MROH6: variants seen among roughly 807,000 people sequenced by gnomAD.
MROH6 encodes the protein maestro heat-like repeat-containing protein family member 6.
A neutral mutation model predicts 67.7 loss-of-function variants in MROH6; 62 were observed. The observed-to-expected ratio is 0.92, with a 90% CI of 0.75 to 1.13. The LOEUF is 1.13. MROH6 is among the 50% of genes most tolerant of loss of function. The pLI, the probability that MROH6 is intolerant of heterozygous loss-of-function variation, is 0.00. For missense variants in MROH6, 1,175 were observed against 1,029.1 expected, an observed-to-expected ratio of 1.14 and a Z score of -1.94; for synonymous variants, 566 against 470.8, an observed-to-expected ratio of 1.20 and a Z score of -2.62.
rs915973837 is a variant in MROH6, at chr8:143,570,363, A to G, written c.923T>C (p.Leu308Ser). The change falls in exon 6 of 14, where the codon TTG becomes TCG. Residue 308 changes from leucine to serine, a missense_variant. Leu to Ser is a moderately radical substitution (Grantham distance 145). Coordinates refer to ENST00000398882, the MANE Select transcript of MROH6 (RefSeq NM_001100878.2). The stretch of plus-strand genomic sequence containing the variant: ...TCCATCCCCGGTGAGCAGCGCCTTC[A>G]AGGCCTCCACAGCACAGCTGGTGGT... ...HSHASCAVEA[L>S]KALLTGDGGR... is the part of the protein sequence containing the mutation. 2 of 1,611,048 alleles carry G rather than the reference A, an allele frequency of 1.2e-6. No individual in the cohort carries two copies. Among genetic ancestry groups the G allele is most frequent in the African/African-American group, 1.3e-5 (1 of 75,024 alleles).
rs1353824964 is a variant in MROH6, at chr8:143,569,476, C to G, written c.1441G>C (p.Glu481Gln). The change falls in exon 9 of 14, where the codon GAG becomes CAG. Residue 481 changes from glutamate to glutamine, a missense_variant. By Grantham distance (29) the Glu-to-Gln change is conservative. Coordinates refer to ENST00000398882, the MANE Select transcript of MROH6 (RefSeq NM_001100878.2). ...AGCGGAGGGAGGCGCGGTCCCAGCT[C>G]CGCGCTCAGGAGCCGCACAGGCGCC... ...PRAPVRLLSA[E>Q]LGPRLPPLLD... The G allele has an allele frequency of 2.7e-6, 4 of 1,473,456 alleles. No homozygotes were observed. Among genetic ancestry groups the G allele is most frequent in the Non-Finnish European group, 3.6e-6 (4 of 1,122,174 alleles). The allele number at this position is 1,473,456 out of a possible 1,614,324, so 91.3% of individuals were successfully genotyped here. A position where few individuals can be genotyped will look rare whatever the true frequency, so the allele number is the denominator to read the frequency against.
chr8:143,570,204 CTGGTGTGACACCCT>C (rs1823926471), intron 6 of MROH6, 25 bp downstream of exon 6: 3 of 1,560,894 alleles, frequency 1.9e-6, no homozygotes, highest in Admixed American at 3.5e-5. Flanking sequence ...GACTCTCTTC[CTGGTGTGACACCCT>C]GGGGCCCCTC....
intron 2 of MROH6, 101 bp downstream of exon 2, chr8:143,571,932 C>T: frequency 6.7e-7 from 1 of 1,496,706 alleles, no homozygotes. Context: ...CAGGAGCAGC[C>T]TGAAGATGGC....
chr8:143,569,380 T>A, intron 9 of MROH6, 61 bp downstream of exon 9: 1 of 1,048,864 alleles, frequency 9.5e-7, no homozygotes, highest in Non-Finnish European at 1.1e-6. Flanking sequence ...AGGGAGAGAC[T>A]GGAAGGGCGG....
Position 143,567,971 on chromosome 8 carries a change from G to A in MROH6, c.1765-83C>T, listed in dbSNP as rs1039317739. 3.5e-6 allele frequency: 5 copies of A among 1,442,974 alleles called. No individual in the cohort carries two copies. In the African/African-American group the frequency reaches 4.3e-5, roughly 12 times the overall value. 89.4% of individuals were successfully genotyped at this position (1,442,974 alleles called of 1,614,324 possible). ...CTGCAGAGCTGAATCCAGGGGCCGG[G>A]GTTCCAGGGGAGCCCCCAGGGCAGG... is the stretch of plus-strand genomic sequence containing the variant. On this transcript the variant is annotated intron_variant, in intron 11 of 13. Transcript: ENST00000398882.
intron 4 of MROH6, 107 bp downstream of exon 4, chr8:143,570,770 A>T: frequency 7.1e-7 from 1 of 1,415,070 alleles, no homozygotes; most frequent in South Asian, 1.3e-5. Context: ...CGCATGGGAC[A>T]TTCCAGGAGC....
chr8:143,572,424 G>A lies in MROH6; in HGVS notation c.291C>T (p.His97=), dbSNP rs4873803. 1 of 1,570,298 alleles carries A rather than the reference G, an allele frequency of 6.4e-7. No individual in the cohort carries two copies. The highest frequency in any genetic ancestry group is 1.8e-5 in the Admixed American group (1 of 56,756). The part of the protein sequence containing the change: ...SALEPAPEGP[H]QVPQSSWEEG... The stretch of plus-strand genomic sequence containing the variant: ...CATCCCTTCCCTCCCCCGTCACCTG[G>A]TGGGGCCCCTCAGGGGCTGGTTCCA... Residue 97 remains histidine (H), a synonymous_variant, in exon 1 of 14, where the codon CAC becomes CAT. Transcript: ENST00000398882.
intron 13 of MROH6, 30 bp from the exon 14 acceptor site, chr8:143,567,495 A>G (rs1239970952): frequency 7.0e-7 from 1 of 1,432,180 alleles, no homozygotes; most frequent in East Asian, 2.6e-5. Flanking sequence ...CAGGCTGGGG[A>G]GCCCAGGAGG....
rs1823640778 is a variant in MROH6 at position 143,566,951 on chromosome 8, G to A, written c.*288C>T. The A allele has an allele frequency of 7.1e-6, 2 of 281,812 alleles. No individual in the cohort carries two copies. The highest frequency in any genetic ancestry group is 1.3e-5 in the Non-Finnish European group (2 of 150,402). The allele number at this position is 281,812 out of a possible 1,614,324, so 17.5% of individuals were successfully genotyped here. A position where few individuals can be genotyped will look rare whatever the true frequency, so the allele number is the denominator to read the frequency against. ...TGGGGTCCCCCAGCAGACTCAAGAG[G>A]CCAGGTGCCATCTGGGCCAGGAGCC... On this transcript the variant is annotated 3_prime_UTR_variant, in exon 14 of 14. Coordinates refer to ENST00000398882, the MANE Select transcript of MROH6 (RefSeq NM_001100878.2).
chr8:143,572,680 C>CG lies in MROH6; in HGVS notation c.34dup (p.Arg12ProfsTer15), dbSNP rs764744337. The CG allele has an allele frequency of 5.2e-6, 8 of 1,530,908 alleles. No homozygotes were observed. The highest frequency in any genetic ancestry group is 7.0e-6 in the Non-Finnish European group (8 of 1,142,404). The allele number at this position is 1,530,908 out of a possible 1,614,324, so 94.8% of individuals were successfully genotyped here. A position where few individuals can be genotyped will look rare whatever the true frequency, so the allele number is the denominator to read the frequency against. On this transcript the variant is annotated frameshift_variant, in exon 1 of 14. Transcript: ENST00000398882. LOFTEE classifies it high-confidence loss of function. ...GGTTAGAGCCCCCACGGGAGCCTCC[C>CG]GGGCCCGGCTCCGGCCCCACACACC...
In MROH6 at chr8:143,568,178, G is replaced by A. The variant is rs779186773; in HGVS notation, c.1728C>T (p.Asp576=). Residue 576 remains aspartate (D), a synonymous_variant, in exon 11 of 14, where the codon GAC becomes GAT. Coordinates refer to ENST00000398882, the MANE Select transcript of MROH6 (RefSeq NM_001100878.2). ...AGAGGTGGCTCAGGGCCTCGGGGCT[G>A]TCATAGTGGGCCACGGTGACCAACT... ...LEELVTVAHY[D]SPEALSHLCC... 6.2e-7 allele frequency: 1 copy of A among 1,610,492 alleles called. No individual in the cohort carries two copies. The highest frequency in any genetic ancestry group is 8.5e-7 in the Non-Finnish European group (1 of 1,178,998).
At position 143,566,202 on chromosome 8, in the gene MROH6, CGT is replaced by C. The variant is rs1465521380; in HGVS notation, c.*1035_*1036del. On this transcript the variant is annotated 3_prime_UTR_variant, in exon 14 of 14. Coordinates refer to ENST00000398882, the MANE Select transcript of MROH6 (RefSeq NM_001100878.2). ...ACAGATGCCCAACGCTTTCCATCCA[CGT>C]GTGTTTATTTTAGATGCTTTCTGTG... The C allele has an allele frequency of 2.0e-5, 3 of 152,258 alleles. No individual in the cohort carries two copies. The highest frequency in any genetic ancestry group is 4.8e-5 in the African/African-American group (2 of 41,462). 9.4% of individuals were successfully genotyped at this position (152,258 alleles called of 1,614,324 possible).
intron 3 of MROH6, 96 bp from the exon 4 acceptor site, chr8:143,571,090 C>A (rs1824008940): frequency 7.4e-6 from 7 of 951,260 alleles, no homozygotes; most frequent in Non-Finnish European, 1.1e-5. Flanking sequence ...GCCAGTAGGA[C>A]TCCAGCAGGG....
Position 143,570,636 on chromosome 8 carries a change from T to C in MROH6, c.742A>G (p.Met248Val). Residue 248 changes from methionine to valine, a missense_variant, in exon 5 of 14, where the codon ATG (methionine) becomes GTG (valine). Transcript: ENST00000398882. Reference sequence around the variant, plus strand: ...CCCACGCAGCCCGAAACAGCCAGCATCTCCCCAAGAGCACGTGTGGCCTGT... The same window carrying C: ...CCCACGCAGCCCGAAACAGCCAGCACCTCCCCAAGAGCACGTGTGGCCTGT... ...ALAATRALGE[M>V]LAVSGCVGAT... 6.3e-7 allele frequency: 1 copy of C among 1,598,256 alleles called. No homozygotes were observed. The highest frequency in any genetic ancestry group is 8.5e-7 in the Non-Finnish European group (1 of 1,179,064).
chr8:143,569,816 G>A lies in MROH6; in HGVS notation c.1183C>T (p.Arg395Trp), dbSNP rs1449891405. Residue 395 changes from arginine (R) to tryptophan (W), a missense_variant, in exon 8 of 14, where the codon CGG becomes TGG. Transcript: ENST00000398882. ...TGLLQSRPTARLLREEVILER... is the reference protein window; with the variant it reads ...TGLLQSRPTAWLLREEVILER... ...AGGATGACCTCCTCCCGCAGGAGCCGTGCGGTGGGCCGGCTCTGCAACAGC... is the reference window on the plus strand; with the variant it reads ...AGGATGACCTCCTCCCGCAGGAGCCATGCGGTGGGCCGGCTCTGCAACAGC... 1 of 1,611,452 alleles carries A rather than the reference G, an allele frequency of 6.2e-7. No individual in the cohort carries two copies. The highest frequency in any genetic ancestry group is 8.5e-7 in the Non-Finnish European group (1 of 1,179,166).
chr8:143,569,557 C>G lies in MROH6; in HGVS notation c.1360G>C (p.Ala454Pro). 1 of 1,541,034 alleles carries G rather than the reference C, an allele frequency of 6.5e-7. No individual in the cohort carries two copies. The highest frequency in any genetic ancestry group is 1.2e-5 in the South Asian group (1 of 83,968). ...ALLGALGEGD[A>P]RLVGAALGAL... The stretch of plus-strand genomic sequence containing the variant: ...CCCAGCGCTGCACCCACGAGCCGCG[C>G]GTCGCCTTCGCCCAGTGCGCCCAGG... The change falls in exon 9 of 14, where the codon GCG becomes CCG. Residue 454 changes from alanine to proline, a missense_variant. Physicochemically the swap from Ala to Pro is conservative, Grantham distance 27 (BLOSUM62 -1). Transcript: ENST00000398882.
chr8:143,570,705 A>G (rs756660572), intron 4 of MROH6, 48 bp from the exon 5 acceptor site: 1 of 1,546,186 alleles, frequency 6.5e-7, no homozygotes, highest in Non-Finnish European at 8.7e-7. Flanking sequence ...CTGGAGCTGC[A>G]CTGGGCAGCA....
At chr8:143,568,427 TCACACCTGC>T in intron 10 of MROH6, 116 bp downstream of exon 10, 1 of 1,435,506 alleles carries the variant, frequency 7.0e-7, no homozygotes, top group Non-Finnish European at 9.2e-7. Context: ...TGGCCGCCCG[TCACACCTGC>T]CACTGAGGTC....
rs781182992 is a variant in MROH6, at chr8:143,572,528, C to T, written c.187G>A (p.Ala63Thr). The T allele has an allele frequency of 1.9e-5, 31 of 1,605,444 alleles. 1 individual carries two copies. Among genetic ancestry groups the T allele is most frequent in the South Asian group, 6.7e-5 (6 of 89,980 alleles). ...CGTCCAGGCTCTGCCTCAGAGGGGGCGGTGAGTGCCTGGGTCTGTGGCTCA... is the reference window on the plus strand; with the variant it reads ...CGTCCAGGCTCTGCCTCAGAGGGGGTGGTGAGTGCCTGGGTCTGTGGCTCA... ...EAEPQTQALT[A>T]PSEAEPGRGA... The change falls in exon 1 of 14, where the codon GCC becomes ACC. Residue 63 changes from alanine (A) to threonine (T), a missense_variant. By Grantham distance (58) the Ala-to-Thr change is moderately conservative (BLOSUM62 0). Transcript: ENST00000398882.
Sources: allele counts gnomAD v4.1 joint callset, GRCh38; gene constraint gnomAD v4.1.1; transcripts MANE v1.5; gene names NCBI Gene and HGNC (gene_info 2026-07-23, HGNC 2026-07-21).